GPR137C: variants seen among roughly 807,000 people sequenced by gnomAD.
GPR137C encodes the protein G protein-coupled receptor 137C.
A neutral mutation model predicts 43.4 loss-of-function variants in GPR137C; 27 were observed. The ratio of observed to expected loss-of-function variants is 0.62; its 90% CI spans 0.46 to 0.86. The LOEUF is 0.86. Ranked by LOEUF, GPR137C falls within the 40% of genes least tolerant of loss-of-function variation. The pLI, the probability that GPR137C is intolerant of heterozygous loss-of-function variation, is 0.00. For missense variants in GPR137C, 522 were observed against 534.6 expected, an observed-to-expected ratio of 0.98 and a Z score of 0.23; for synonymous variants, 285 against 226.9, an observed-to-expected ratio of 1.26 and a Z score of -2.30.
Position 52,600,341 on chromosome 14 carries a change from G to T in GPR137C, c.717G>T (p.Lys239Asn). Reference sequence around the variant, plus strand: ...CAGCTAATGTCTACCTCGAATCAAAGGTAAGAATATTTCTTAAATTGGCAC... The same window carrying T: ...CAGCTAATGTCTACCTCGAATCAAATGTAAGAATATTTCTTAAATTGGCAC... ...MSSANVYLES[K>N]GMSLCQTVVV... Residue 239 changes from lysine to asparagine, a missense_variant and splice_region_variant, in exon 3 of 7, where the codon AAG becomes AAT. Lys to Asn is a moderately conservative substitution (Grantham distance 94). Coordinates refer to ENST00000321662, the MANE Select transcript of GPR137C (RefSeq NM_001099652.2). 6.5e-7 allele frequency: 1 copy of T among 1,527,126 alleles called. No homozygotes were observed. Among genetic ancestry groups the T allele is most frequent in the Non-Finnish European group, 9.0e-7 (1 of 1,109,862 alleles). 94.6% of individuals were successfully genotyped at this position (1,527,126 alleles called of 1,614,324 possible).
At chr14:52,578,356 A>G (rs368226231) in intron 1 of GPR137C, among the ~76,000 whole-genome samples, 1 of 151,688 alleles carries the variant, frequency 6.6e-6, no homozygotes, top group Non-Finnish European at 1.5e-5. Flanking sequence ...CCTATTTTGC[A>G]TCTGTCTTCT....
At chr14:52,581,854 A>T (rs1040539852) in intron 1 of GPR137C, among the ~76,000 whole-genome samples, 3 of 152,350 alleles carry the variant, frequency 2.0e-5, no homozygotes, top group African/African-American at 7.2e-5. Context: ...TTTTAGATCA[A>T]CAAAAGAGGG....
chr14:52,557,017 T>G (rs1037201762), intron 1 of GPR137C, among the ~76,000 whole-genome samples: 8 of 152,198 alleles, frequency 5.3e-5, no homozygotes, highest in Non-Finnish European at 1.2e-4. Context: ...TTATTGTCCC[T>G]ACCAGTAGAT....
At chr14:52,597,833 ATTTCGC>A (rs1308589175) in intron 1 of GPR137C, among the ~76,000 whole-genome samples, 18 of 152,260 alleles carry the variant, frequency 1.2e-4, no homozygotes, top group African/African-American at 4.3e-4. Context: ...TTGGTACCTC[ATTTCGC>A]TTTACAAATT....
At chr14:52,594,045 G>C (rs143487772) in intron 1 of GPR137C, among the ~76,000 whole-genome samples, 1 of 152,100 alleles carries the variant, frequency 6.6e-6, no homozygotes, top group South Asian at 2.1e-4. Flanking sequence ...GTTCTCATTG[G>C]TTTCAAAGAA....
intron 1 of GPR137C, among the ~76,000 whole-genome samples, chr14:52,577,686 G>T (rs1177669279): frequency 2.0e-5 from 3 of 151,698 alleles, no homozygotes; most frequent in African/African-American, 7.3e-5. Context: ...TAAACTTAGG[G>T]GTGCAGTGGC....
In GPR137C at chr14:52,552,989, G is replaced by A. The variant is rs144313720; in HGVS notation, c.-159G>A. On this transcript the variant is annotated 5_prime_UTR_variant, in exon 1 of 7. Transcript: ENST00000321662. ...AGGAGGCGGGGTCCGGGGGAGCCGC[G>A]GCTGCTTTGCGCTGGACTCCGGGTC... Among the ~76,000 whole-genome samples the A allele has an allele frequency of 0.045, 6,783 of 150,382 alleles. 359 individuals are homozygous for A. Among genetic ancestry groups the A allele is most frequent in the East Asian group, 0.16 (790 of 4,970 alleles).
intron 1 of GPR137C, among the ~76,000 whole-genome samples, chr14:52,561,170 A>G (rs1204641871): frequency 6.6e-6 from 1 of 152,240 alleles, no homozygotes; most frequent in East Asian, 1.9e-4. Flanking sequence ...TAGCAGGACT[A>G]AAATTTAAAA....
At chr14:52,558,986 A>G (rs2038237572) in intron 1 of GPR137C, among the ~76,000 whole-genome samples, 1 of 152,192 alleles carries the variant, frequency 6.6e-6, no homozygotes, top group African/African-American at 2.4e-5. Flanking sequence ...CAAAGGGAAA[A>G]TAAGAGTTTA....
Position 52,568,839 on chromosome 14 carries a change from C to T in GPR137C, c.444+15248C>T, listed in dbSNP as rs111325091. Among the ~76,000 whole-genome samples the T allele has an allele frequency of 2.1e-3, 323 of 152,322 alleles. 1 individual carries two copies. The highest frequency in any genetic ancestry group is 7.3e-3 in the African/African-American group (304 of 41,582). On this transcript the variant is annotated intron_variant, in intron 1 of 6. Transcript: ENST00000321662. ...CTCCCATATCCCTGGGACAGGGCAC[C>T]TGGGGGAAGGGGCGGCTGTGGGCAC...
chr14:52,629,920 CT>C (rs1181567562), intron 3 of GPR137C, among the ~76,000 whole-genome samples: 1 of 152,124 alleles, frequency 6.6e-6, no homozygotes, highest in African/African-American at 2.4e-5. Context: ...TGTGGAATTT[CT>C]TTAAAAGTGG....
chr14:52,577,046 C>T (rs554243342), intron 1 of GPR137C, among the ~76,000 whole-genome samples: 72 of 103,242 alleles, frequency 7.0e-4, no homozygotes, highest in Non-Finnish European at 1.1e-3. Flanking sequence ...AAAAACTAGC[C>T]AGGCGTGGTG....
Position 52,567,664 on chromosome 14 carries a change from T to TGG in GPR137C, c.444+14073_444+14074insGG, listed in dbSNP as rs1594782212. On this transcript the variant is annotated intron_variant, in intron 1 of 6. Transcript: ENST00000321662. ...TCAGATTGTTCTTTTTTTTTTTGGTTTTTTTTTTTTTTTGAGACAGAGAAT... is the reference window on the plus strand; with the variant it reads ...TCAGATTGTTCTTTTTTTTTTTGGTTGGTTTTTTTTTTTTTGAGACAGAGAAT... Among the ~76,000 whole-genome samples the TGG allele has an allele frequency of 6.6e-5, 6 of 91,146 alleles. No individual in the cohort carries two copies. The East Asian group carries it at 2.2e-3, about 33-fold the overall frequency. 59.8% of individuals were successfully genotyped at this position (91,146 alleles called of 152,430 possible). A position where few individuals can be genotyped will look rare whatever the true frequency, so the allele number is the denominator to read the frequency against.
At chr14:52,560,189 A>T (rs2038259275) in intron 1 of GPR137C, among the ~76,000 whole-genome samples, 2 of 152,176 alleles carry the variant, frequency 1.3e-5, no homozygotes, top group Admixed American at 1.3e-4. Flanking sequence ...ATAGTGTCAA[A>T]AAATTAAAAT....
At chr14:52,591,804 T>G (rs1455054462) in intron 1 of GPR137C, among the ~76,000 whole-genome samples, 2 of 152,220 alleles carry the variant, frequency 1.3e-5, no homozygotes, top group African/African-American at 4.8e-5. Flanking sequence ...CAGTTTCTTT[T>G]GGTATGCAGA....
intron 1 of GPR137C, among the ~76,000 whole-genome samples, chr14:52,576,410 A>C (rs2038552777): frequency 6.6e-6 from 1 of 152,190 alleles, no homozygotes; most frequent in South Asian, 2.1e-4. Context: ...GCTATTATGA[A>C]TAGTGCTGTG....
rs1357834739 is a variant in GPR137C at position 52,636,169 on chromosome 14, C to T, written c.*1054C>T. 1 of 151,638 alleles carries T rather than the reference C, an allele frequency of 6.6e-6. No homozygotes were observed. The highest frequency in any genetic ancestry group is 1.9e-4 in the East Asian group (1 of 5,180). 9.4% of individuals were successfully genotyped at this position (151,638 alleles called of 1,614,324 possible). On this transcript the variant is annotated 3_prime_UTR_variant, in exon 7 of 7. Transcript: ENST00000321662. ...TTTTATATCTTATATATGGGAAAAG[C>T]CAAATTAAATTGAATTCAGATTAAT...
At chr14:52,559,248 C>T (rs768802450) in intron 1 of GPR137C, among the ~76,000 whole-genome samples, 11 of 152,016 alleles carry the variant, frequency 7.2e-5, no homozygotes, top group Admixed American at 2.6e-4. Context: ...TGGTGGCACG[C>T]GCCTGTAGTT....
At chr14:52,634,042 A>G (rs11157925) in intron 6 of GPR137C, 96 bp downstream of exon 6, 474,429 of 757,346 alleles carry the variant, frequency 0.63, 149,936 homozygotes, top group Middle Eastern at 0.68. Flanking sequence ...AAGGTGATTT[A>G]GTGGTAATAT....
Sources: allele counts gnomAD v4.1 joint callset (sites outside exome capture counted in the v4.1 genomes callset), GRCh38; gene constraint gnomAD v4.1.1; transcripts MANE v1.5; gene names NCBI Gene and HGNC (gene_info 2026-07-23, HGNC 2026-07-21).